The following FOCAD variants were observed in gnomAD, a reference collection of about 807,000 sequenced individuals.
FOCAD encodes the protein KIAA1797.
Under a neutral mutation model 225.6 loss-of-function variants are expected in FOCAD, and 198 were observed. The ratio of observed to expected loss-of-function variants is 0.88; its 90% CI spans 0.78 to 0.99. The LOEUF is 0.99. Ranked by LOEUF, FOCAD falls within the 50% of genes least tolerant of loss-of-function variation. The probability of loss-of-function intolerance (pLI) is 0.00; values close to 1 mark genes in which losing one functional copy is unlikely to be tolerated. For missense variants in FOCAD, 2,713 were observed against 2,123.6 expected, an observed-to-expected ratio of 1.28 and a Z score of -5.46; for synonymous variants, 897 against 755.0, an observed-to-expected ratio of 1.19 and a Z score of -3.08.
chr9:20,920,358 G>C (rs1405670717), intron 24 of FOCAD, among the ~76,000 whole-genome samples: 1 of 129,524 alleles, frequency 7.7e-6, no homozygotes, highest in Non-Finnish European at 1.6e-5. Flanking sequence ...CTTTTACACT[G>C]TTGGTGGGAC....
At chr9:20,663,229 TA>T (rs1275070142) in intron 2 of FOCAD, among the ~76,000 whole-genome samples, 1 of 151,430 alleles carries the variant, frequency 6.6e-6, no homozygotes, top group Non-Finnish European at 1.5e-5. Flanking sequence ...TACAAAAAAA[TA>T]AAAAACAAAA....
intron 10 of FOCAD, among the ~76,000 whole-genome samples, chr9:20,787,733 C>T (rs1048711816): frequency 6.7e-6 from 1 of 150,028 alleles, no homozygotes; most frequent in Non-Finnish European, 1.5e-5. Flanking sequence ...TTAGTGGTTA[C>T]TAATTTCTTC....
At chr9:20,824,178 C>T (rs1260614530) in intron 15 of FOCAD, among the ~76,000 whole-genome samples, 3 of 151,932 alleles carry the variant, frequency 2.0e-5, no homozygotes, top group African/African-American at 7.2e-5. Context: ...CCACACATGC[C>T]CAAGGACATT....
At chr9:20,926,769 G>C (rs1470778221) in intron 26 of FOCAD, among the ~76,000 whole-genome samples, 1 of 126,002 alleles carries the variant, frequency 7.9e-6, no homozygotes, top group South Asian at 2.3e-4. Flanking sequence ...GGCAACAAGA[G>C]AAAAACTGTG....
chr9:20,696,316 T>C (rs10811392), intron 1 of FOCAD, among the ~76,000 whole-genome samples: 68,907 of 152,056 alleles, frequency 0.45, 16,316 homozygotes, highest in Non-Finnish European at 0.52. Flanking sequence ...GAGAGTAGAT[T>C]TCAAGTGTTC....
At chr9:20,910,409 A>G (rs1444226650) in intron 22 of FOCAD, among the ~76,000 whole-genome samples, 2 of 152,146 alleles carry the variant, frequency 1.3e-5, no homozygotes, top group African/African-American at 2.4e-5. Context: ...CCAAATAACC[A>G]GAAATCAGAG....
chr9:20,845,442 G>GAGAGATATATATATATATATATATATAT (rs368497237), intron 15 of FOCAD, among the ~76,000 whole-genome samples: 1 of 121,236 alleles, frequency 8.2e-6, no homozygotes, highest in African/African-American at 3.2e-5. Context: ...TCTTTTCCTC[G>GAGAGATATATATATATATATATATATAT]ATATATATAT....
intron 26 of FOCAD, among the ~76,000 whole-genome samples, chr9:20,926,708 G>A (rs920799145): frequency 2.6e-5 from 4 of 151,590 alleles, no homozygotes; most frequent in African/African-American, 4.9e-5. Context: ...ACTTTAACCC[G>A]GGAGGCAGAG....
At chr9:20,960,242 C>G (rs1415831573) in intron 35 of FOCAD, among the ~76,000 whole-genome samples, 1 of 152,164 alleles carries the variant, frequency 6.6e-6, no homozygotes, top group Non-Finnish European at 1.5e-5. Context: ...TGATATTTCT[C>G]ATATTAGAGT....
At chr9:20,926,256 A>G (rs1186446358) in intron 25 of FOCAD, 45 bp from the exon 26 acceptor site, 7 of 1,133,324 alleles carry the variant, frequency 6.2e-6, no homozygotes, top group Admixed American at 1.8e-5. Flanking sequence ...ATATCTTTAG[A>G]TTTGTTTTCT....
rs775431305 is a variant in FOCAD at position 20,820,438 on chromosome 9, A to G, written c.1662+13A>G. 6.3e-7 allele frequency: 1 copy of G among 1,591,142 alleles called. No homozygotes were observed. The highest frequency in any genetic ancestry group is 8.6e-7 in the Non-Finnish European group (1 of 1,160,128). ...GTGGGAAAAGCAGGTAATTTCAGAT[A>G]TACACTTGCATGAGTATTAAATATG... On this transcript the variant is annotated intron_variant, in intron 13 of 43. Coordinates refer to ENST00000338382, the MANE Select transcript of FOCAD (RefSeq NM_001375567.1).
chr9:20,944,735 C>T lies in FOCAD; in HGVS notation c.3516C>T (p.His1172=), dbSNP rs540425752. 52 of 1,613,886 alleles carry T rather than the reference C, an allele frequency of 3.2e-5. No homozygotes were observed. The highest frequency in any genetic ancestry group is 2.3e-4 in the South Asian group (21 of 91,030). Residue 1172 remains histidine, a synonymous_variant, in exon 29 of 44, where the codon CAC becomes CAT. Coordinates refer to ENST00000338382, the MANE Select transcript of FOCAD (RefSeq NM_001375567.1). ...VAALLRKLSA[H]VDDSGSQSRT... ...CATTGCTCCGGAAGCTGTCTGCGCACGTAGATGACAGCGGGAGCCAGAGCA... is the reference window on the plus strand; with the variant it reads ...CATTGCTCCGGAAGCTGTCTGCGCATGTAGATGACAGCGGGAGCCAGAGCA...
chr9:20,681,050 C>A (rs1159671803), upstream of FOCAD, among the ~76,000 whole-genome samples: 1 of 152,108 alleles, frequency 6.6e-6, no homozygotes, highest in South Asian at 2.1e-4. Context: ...CACAGCCCCC[C>A]ACAAAAAGCA....
chr9:20,847,372 A>G (rs1216607279), intron 15 of FOCAD, among the ~76,000 whole-genome samples: 1 of 152,088 alleles, frequency 6.6e-6, no homozygotes, highest in Admixed American at 6.6e-5. Context: ...TAATGTTTTC[A>G]AGGTTCATGC....
In FOCAD at chr9:20,981,567, C is replaced by G; in HGVS notation, c.4519C>G (p.Pro1507Ala). 1.9e-6 allele frequency: 3 copies of G among 1,614,048 alleles called. No individual in the cohort carries two copies. Among genetic ancestry groups the G allele is most frequent in the African/African-American group, 2.7e-5 (2 of 75,030 alleles). Residue 1507 changes from proline to alanine, a missense_variant, in exon 38 of 44, where the codon CCA (proline) becomes GCA (alanine). Physicochemically the swap from Pro to Ala is conservative, Grantham distance 27. Transcript: ENST00000338382. ...ASPLGSPELC[P>A]SALHGLSQAM... ...CCCACTTGGAAGTCCTGAGCTATGC[C>G]CAAGTGCTTTACACGGTCTGAGCCA...
intron 35 of FOCAD, among the ~76,000 whole-genome samples, chr9:20,958,065 G>C (rs763453677): frequency 6.6e-6 from 1 of 151,096 alleles, no homozygotes; most frequent in Non-Finnish European, 1.5e-5. Flanking sequence ...ACTACTTACT[G>C]GCTGTATAAC....
chr9:20,765,055 C>T lies in FOCAD; in HGVS notation c.681C>T (p.Asp227=), dbSNP rs763980466. The change falls in exon 7 of 44, where the codon GAC becomes GAT. Residue 227 remains aspartate, a synonymous_variant. Transcript: ENST00000338382. ...LEQQILQLCC[D]IVPCLQVKDL... ...AGCAGATACTTCAACTGTGTTGTGA[C>T]ATAGTTCCATGTTTGCAGGTAAGGT... The T allele has an allele frequency of 6.2e-7, 1 of 1,613,376 alleles. No homozygotes were observed. Among genetic ancestry groups the T allele is most frequent in the Non-Finnish European group, 8.5e-7 (1 of 1,179,650 alleles).
chr9:20,986,266 A>ATTTTTTTTGTTTTTTTTT, intron 39 of FOCAD, 22 bp from the exon 40 acceptor site: 1 of 705,686 alleles, frequency 1.4e-6, no homozygotes, highest in Non-Finnish European at 1.8e-6. Flanking sequence ...TAACTAAACA[A>ATTTTTTTTGTTTTTTTTT]TTTTTTTTTT....
chr9:20,764,715 A>G (rs1829908034), intron 6 of FOCAD, among the ~76,000 whole-genome samples, 154 bp from the exon 7 acceptor site: 1 of 152,262 alleles, frequency 6.6e-6, no homozygotes, highest in Non-Finnish European at 1.5e-5. Flanking sequence ...AGATGTAGGC[A>G]GGTCATAGCG....
Sources: gnomAD v4.1 joint callset for allele counts (sites outside exome capture counted in the v4.1 genomes callset) on GRCh38, gnomAD v4.1.1 for gene constraint, MANE v1.5 for transcripts, NCBI Gene and HGNC (gene_info 2026-07-23, HGNC 2026-07-21) for gene names.